The following TAFA4 variants were observed in gnomAD, a reference collection of about 807,000 sequenced individuals.
The protein encoded by TAFA4 is TAFA chemokine like family member 4, also known as chemokine-like protein TAFA-4.
In TAFA4, 20 loss-of-function variants were observed where a neutral mutation model predicts 21.1. The observed-to-expected ratio is 0.95, with a 90% CI of 0.67 to 1.38. The LOEUF is 1.38. Ranked by LOEUF, TAFA4 falls within the 40% of genes most tolerant of loss-of-function variation. The probability of loss-of-function intolerance (pLI) is 0.00; values close to 1 mark genes in which losing one functional copy is unlikely to be tolerated. For missense variants in TAFA4, 211 were observed against 180.9 expected (o/e 1.17, Z -0.95); for synonymous variants, 71 against 67.4 (o/e 1.05, Z -0.26).
intron 3 of TAFA4, among the ~76,000 whole-genome samples, chr3:68,822,843 C>G (rs1704143053): frequency 6.6e-6 from 1 of 152,158 alleles, no homozygotes; most frequent in Admixed American, 6.5e-5. Flanking sequence ...TTTACCTTCA[C>G]CACTCTCAAT....
chr3:68,797,128 C>G lies in TAFA4; in HGVS notation c.131-44110G>C, dbSNP rs146185811. Among the ~76,000 whole-genome samples the G allele has an allele frequency of 6.0e-3, 910 of 152,308 alleles. 7 individuals are homozygous for G. The highest frequency in any genetic ancestry group is 0.021 in the African/African-American group (864 of 41,576). On this transcript the variant is annotated intron_variant, in intron 3 of 5. Coordinates refer to ENST00000295569, the MANE Select transcript of TAFA4 (RefSeq NM_182522.5). ...AGTAAAAACAGAATTACCACATGATCTGGTAATCCCACTTCTGGATATATA... is the reference window on the plus strand; with the variant it reads ...AGTAAAAACAGAATTACCACATGATGTGGTAATCCCACTTCTGGATATATA...
intron 3 of TAFA4, among the ~76,000 whole-genome samples, chr3:68,775,470 C>T (rs1482386112): frequency 6.6e-6 from 1 of 152,096 alleles, no homozygotes; most frequent in South Asian, 2.1e-4. Context: ...GAAAGCCCCA[C>T]CCTTGGAAGC....
At chr3:68,870,171 C>T (rs1465759581) in intron 3 of TAFA4, among the ~76,000 whole-genome samples, 1 of 151,840 alleles carries the variant, frequency 6.6e-6, no homozygotes, top group African/African-American at 2.4e-5. Flanking sequence ...ACAAAGAAAA[C>T]TATTAAACAT....
At chr3:68,762,843 A>C (rs1204677604) in intron 3 of TAFA4, among the ~76,000 whole-genome samples, 2 of 152,272 alleles carry the variant, frequency 1.3e-5, no homozygotes, top group Admixed American at 6.5e-5. Context: ...ATTCAAGACA[A>C]GCCTAGCCAA....
intron 3 of TAFA4, among the ~76,000 whole-genome samples, chr3:68,778,600 C>G (rs969588235): frequency 6.6e-6 from 1 of 152,144 alleles, no homozygotes; most frequent in African/African-American, 2.4e-5. Flanking sequence ...TTTACAAGAT[C>G]TGATGGTTTT....
chr3:68,829,593 T>C (rs1437883077), intron 3 of TAFA4, among the ~76,000 whole-genome samples: 1 of 152,234 alleles, frequency 6.6e-6, no homozygotes, highest in African/African-American at 2.4e-5. Flanking sequence ...GGTTTGCCAG[T>C]ATTTTATGGC....
intron 3 of TAFA4, among the ~76,000 whole-genome samples, chr3:68,873,038 G>A (rs918477092): frequency 2.0e-5 from 3 of 151,860 alleles, no homozygotes; most frequent in Non-Finnish European, 4.4e-5. Flanking sequence ...AATATCAGCC[G>A]TATCATCTCA....
At chr3:68,889,400 TTTC>T (rs1325221927) in intron 1 of TAFA4, among the ~76,000 whole-genome samples, 4 of 152,078 alleles carry the variant, frequency 2.6e-5, no homozygotes, top group Non-Finnish European at 5.9e-5. Flanking sequence ...CTACACTTGA[TTTC>T]TTATCAAGGA....
At chr3:68,923,918 T>C (rs972988236) in intron 1 of TAFA4, among the ~76,000 whole-genome samples, 2 of 152,198 alleles carry the variant, frequency 1.3e-5, no homozygotes, top group African/African-American at 4.8e-5. Context: ...CCAGTGTGGC[T>C]TCCACCCTGA....
At chr3:68,797,398 G>C (rs13087144) in intron 3 of TAFA4, among the ~76,000 whole-genome samples, 1 of 151,490 alleles carries the variant, frequency 6.6e-6, no homozygotes, top group African/African-American at 2.4e-5. Flanking sequence ...TGGATCACGA[G>C]GTCAGGAGAA....
intron 3 of TAFA4, among the ~76,000 whole-genome samples, chr3:68,867,463 A>G (rs2089434392): frequency 2.6e-5 from 4 of 152,146 alleles, no homozygotes; most frequent in Admixed American, 2.6e-4. Context: ...AAAAAACAGT[A>G]ATGTGCAAAA....
chr3:68,795,623 C>T (rs889129161), intron 3 of TAFA4, among the ~76,000 whole-genome samples: 2 of 152,092 alleles, frequency 1.3e-5, no homozygotes, highest in African/African-American at 4.8e-5. Flanking sequence ...CATCATCTTG[C>T]CACCACATGG....
At chr3:68,777,652 G>T (rs1703073211) in intron 3 of TAFA4, among the ~76,000 whole-genome samples, 1 of 152,018 alleles carries the variant, frequency 6.6e-6, no homozygotes, top group Non-Finnish European at 1.5e-5. Context: ...TCAAAAAAAG[G>T]CAGTAAAACA....
chr3:68,879,644 CTCA>C (rs1273761791), intron 3 of TAFA4, among the ~76,000 whole-genome samples: 2 of 152,128 alleles, frequency 1.3e-5, no homozygotes, highest in Admixed American at 1.3e-4. Flanking sequence ...CATTATTTTT[CTCA>C]TCTTCTTGGA....
chr3:68,822,947 T>A (rs1383567405), intron 3 of TAFA4, among the ~76,000 whole-genome samples: 1 of 152,184 alleles, frequency 6.6e-6, no homozygotes. Flanking sequence ...ATAAACTCAG[T>A]TGGGTTTAAA....
chr3:68,819,873 C>T (rs370359600), intron 3 of TAFA4, among the ~76,000 whole-genome samples: 16 of 152,100 alleles, frequency 1.1e-4, no homozygotes, highest in South Asian at 2.1e-4. Flanking sequence ...GAAAACAGTA[C>T]GACATTCCTT....
At chr3:68,902,446 C>T (rs1339363601) in intron 1 of TAFA4, among the ~76,000 whole-genome samples, 1 of 152,078 alleles carries the variant, frequency 6.6e-6, no homozygotes, top group Non-Finnish European at 1.5e-5. Context: ...TGGCTCACTG[C>T]AGCCTTGAAC....
intron 3 of TAFA4, among the ~76,000 whole-genome samples, chr3:68,762,868 TC>T (rs915066476): frequency 6.6e-6 from 1 of 152,152 alleles, no homozygotes; most frequent in African/African-American, 2.4e-5. Flanking sequence ...GCAAAACCCG[TC>T]CCTGCTAAAA....
intron 3 of TAFA4, among the ~76,000 whole-genome samples, chr3:68,783,738 AAAGAAAGT>A (rs1167115407): frequency 3.5e-4 from 52 of 149,452 alleles, no homozygotes; most frequent in South Asian, 2.1e-3. Context: ...AGAAAGAAAG[AAAGAAAGT>A]AAGAAAGAAA....
Sources: gnomAD v4.1 joint callset for allele counts (sites outside exome capture counted in the v4.1 genomes callset) on GRCh38, gnomAD v4.1.1 for gene constraint, MANE v1.5 for transcripts, NCBI Gene and HGNC (gene_info 2026-07-23, HGNC 2026-07-21) for gene names.